The following PTPRM variants were observed in gnomAD, a reference collection of about 807,000 sequenced individuals.
PTPRM encodes the protein protein tyrosine phosphatase receptor type M.
A neutral mutation model predicts 186.7 loss-of-function variants in PTPRM; 47 were observed. The observed-to-expected ratio is 0.25, with a 90% CI of 0.20 to 0.32. PTPRM has a LOEUF of 0.32. Ranked by LOEUF, PTPRM falls within the 10% of genes least tolerant of loss-of-function variation. PTPRM has a pLI of 1.00. For missense variants in PTPRM, 1,494 were observed against 1,865.0 expected, an observed-to-expected ratio of 0.80 and a Z score of 3.66; for synonymous variants, 668 against 674.9, an observed-to-expected ratio of 0.99 and a Z score of 0.16.
At chr18:8,380,487 C>G (rs2095726341) in intron 29 of PTPRM, 60 bp downstream of exon 29, 1 of 1,599,712 alleles carries the variant, frequency 6.3e-7, no homozygotes, top group Non-Finnish European at 8.6e-7. Flanking sequence ...TGTTTTTACA[C>G]TGAGTTTGTT....
At chr18:8,104,568 C>T (rs2091436593) in intron 11 of PTPRM, among the ~76,000 whole-genome samples, 1 of 152,156 alleles carries the variant, frequency 6.6e-6, no homozygotes, top group South Asian at 2.1e-4. Flanking sequence ...CCTCAGTCTC[C>T]TGAGTAGCTG....
intron 7 of PTPRM, among the ~76,000 whole-genome samples, chr18:7,990,648 T>C (rs959285134): frequency 5.9e-5 from 9 of 152,196 alleles, no homozygotes; most frequent in Non-Finnish European, 1.5e-5. Flanking sequence ...GAGATGAAGC[T>C]CTTAGCCTTC....
intron 2 of PTPRM, among the ~76,000 whole-genome samples, chr18:7,876,814 G>C (rs560563125): frequency 6.6e-6 from 1 of 152,124 alleles, no homozygotes; most frequent in Non-Finnish European, 1.5e-5. Context: ...TAACTAATGT[G>C]CTGCCCCTTA....
At chr18:8,260,282 C>T in intron 19 of PTPRM, among the ~76,000 whole-genome samples, 1 of 152,076 alleles carries the variant, frequency 6.6e-6, no homozygotes, top group East Asian at 1.9e-4. Context: ...TCCCACTCAG[C>T]CTCCTGAGTA....
At chr18:8,106,502 T>G (rs766966493) in intron 11 of PTPRM, among the ~76,000 whole-genome samples, 9 of 152,184 alleles carry the variant, frequency 5.9e-5, no homozygotes, top group Middle Eastern at 3.2e-3. Context: ...TGGGTCCTGT[T>G]ACTTTGTCCT....
chr18:7,966,502 CG>C (rs2054067488), intron 7 of PTPRM, among the ~76,000 whole-genome samples: 3 of 151,784 alleles, frequency 2.0e-5, no homozygotes, highest in Admixed American at 2.0e-4. Context: ...CCAGCGTGAG[CG>C]ACGCAGAAGA....
At chr18:8,401,695 C>T (rs570200675) in intron 32 of PTPRM, among the ~76,000 whole-genome samples, 25 of 152,370 alleles carry the variant, frequency 1.6e-4, no homozygotes, top group African/African-American at 4.6e-4. Context: ...CCTGCGCAGA[C>T]GACAAGGCTC....
Position 8,319,134 on chromosome 18 carries a change from A to G in PTPRM, c.2920-44A>G, listed in dbSNP as rs756264379. On this transcript the variant is annotated intron_variant, in intron 21 of 32. Coordinates refer to ENST00000580170, the MANE Select transcript of PTPRM (RefSeq NM_001105244.2). ...TTAGCATGCGACTTATCTGCTGTTT[A>G]TCGATTTTATGTTTATCAAATATTC... 7.5e-6 allele frequency: 10 copies of G among 1,335,264 alleles called. 1 individual carries two copies. In the East Asian group the frequency reaches 2.4e-4, roughly 32 times the overall value. 82.7% of individuals were successfully genotyped at this position (1,335,264 alleles called of 1,614,324 possible).
At chr18:8,328,117 G>T (rs1418367772) in intron 22 of PTPRM, among the ~76,000 whole-genome samples, 2 of 152,028 alleles carry the variant, frequency 1.3e-5, no homozygotes, top group African/African-American at 4.8e-5. Flanking sequence ...CATACTTCTG[G>T]TATAGGTTTA....
At chr18:8,185,510 A>G (rs1279772148) in intron 14 of PTPRM, among the ~76,000 whole-genome samples, 1 of 152,200 alleles carries the variant, frequency 6.6e-6, no homozygotes, top group Non-Finnish European at 1.5e-5. Flanking sequence ...GCCTCCTGGT[A>G]GTTGTCTCCC....
chr18:7,931,933 A>G (rs1189223373), intron 5 of PTPRM, among the ~76,000 whole-genome samples: 2 of 152,238 alleles, frequency 1.3e-5, no homozygotes, highest in Non-Finnish European at 2.9e-5. Flanking sequence ...TAGATGACTC[A>G]TGCACGTGCA....
At chr18:8,359,247 C>T (rs1164318636) in intron 23 of PTPRM, among the ~76,000 whole-genome samples, 2 of 152,212 alleles carry the variant, frequency 1.3e-5, no homozygotes, top group East Asian at 3.9e-4. Context: ...ATTACAGGAT[C>T]AAAGCAAATT....
intron 2 of PTPRM, among the ~76,000 whole-genome samples, chr18:7,796,795 C>T (rs2043682251): frequency 6.6e-6 from 1 of 152,174 alleles, no homozygotes; most frequent in East Asian, 1.9e-4. Flanking sequence ...ATCTGGTGAC[C>T]ATCTCAAGGG....
intron 25 of PTPRM, 21 bp from the exon 26 acceptor site, chr18:8,376,441 C>A (rs867115434): frequency 6.2e-7 from 1 of 1,614,112 alleles, no homozygotes; most frequent in African/African-American, 1.3e-5. Flanking sequence ...CCTCCACTGA[C>A]AGACCCCCCT....
intron 2 of PTPRM, among the ~76,000 whole-genome samples, chr18:7,869,426 C>T (rs1008182605): frequency 6.6e-6 from 1 of 152,170 alleles, no homozygotes; most frequent in African/African-American, 2.4e-5. Flanking sequence ...CACAGTGCCT[C>T]ATGGCTTCCC....
chr18:8,310,074 T>C (rs1379713039), intron 20 of PTPRM, among the ~76,000 whole-genome samples: 1 of 152,158 alleles, frequency 6.6e-6, no homozygotes, highest in Admixed American at 6.5e-5. Context: ...TCTTAGTCAA[T>C]GGCACCATCT....
intron 1 of PTPRM, among the ~76,000 whole-genome samples, chr18:7,716,478 T>C (rs563517235): frequency 3.3e-5 from 5 of 152,262 alleles, no homozygotes; most frequent in Admixed American, 6.5e-5. Context: ...AAAGCCACCA[T>C]TGACAAATGG....
intron 2 of PTPRM, among the ~76,000 whole-genome samples, chr18:7,774,784 A>T (rs2042499877): frequency 6.6e-6 from 1 of 152,326 alleles, no homozygotes; most frequent in African/African-American, 2.4e-5. Context: ...ATGTTTAGTG[A>T]ATTTCTGATG....
chr18:7,628,177 C>T lies in PTPRM; in HGVS notation c.73+60286C>T, dbSNP rs182638869. 5.1e-4 allele frequency among the ~76,000 whole-genome samples: 77 copies of T among 152,200 alleles called. 1 individual carries two copies. The highest frequency in any genetic ancestry group is 6.8e-3 in the Middle Eastern group (2 of 294). On this transcript the variant is annotated intron_variant, in intron 1 of 32. Coordinates refer to ENST00000580170, the MANE Select transcript of PTPRM (RefSeq NM_001105244.2). Reference sequence around the variant, plus strand: ...ACACACACACACAAACACACATGCACGCACACACACACAGGATATGTATTC... The same window carrying T: ...ACACACACACACAAACACACATGCATGCACACACACACAGGATATGTATTC...
Sources: gnomAD v4.1 joint callset for allele counts (sites outside exome capture counted in the v4.1 genomes callset) on GRCh38, gnomAD v4.1.1 for gene constraint, MANE v1.5 for transcripts, NCBI Gene and HGNC (gene_info 2026-07-23, HGNC 2026-07-21) for gene names.